The following IL19 variants were observed in gnomAD, a reference collection of about 807,000 sequenced individuals.
IL19 encodes the protein interleukin-19.
A neutral mutation model predicts 19.5 loss-of-function variants in IL19; 15 were observed. That is an observed-to-expected ratio of 0.77 (90% CI 0.52 to 1.19). IL19 has a LOEUF of 1.19. Ranked by LOEUF, IL19 falls within the 50% of genes most tolerant of loss-of-function variation. The probability of loss-of-function intolerance (pLI) is 0.00; values close to 1 mark genes in which losing one functional copy is unlikely to be tolerated. For synonymous variants in IL19, 78 were observed against 78.3 expected (o/e 1.00, Z 0.02); for missense variants, 199 against 213.1 (o/e 0.93, Z 0.41).
chr1:206,835,940 T>C (rs1431556066), intron 2 of IL19, among the ~76,000 whole-genome samples: 1 of 152,234 alleles, frequency 6.6e-6, no homozygotes, highest in Non-Finnish European at 1.5e-5. Context: ...GGCAAACCTC[T>C]CAGGGTCTGG....
Position 206,804,439 on chromosome 1 carries a change from C to G in IL19, c.-3+5433C>G, listed in dbSNP as rs977569489. Among the ~76,000 whole-genome samples the G allele has an allele frequency of 6.6e-5, 10 of 152,226 alleles. No individual in the cohort carries two copies. The South Asian group carries it at 2.1e-3, about 32-fold the overall frequency. ...CATTTGATTCCCTATATGACAATAA[C>G]CCCCAGGTTGAGTGCACTGAAATAA... is the stretch of plus-strand genomic sequence containing the variant. On this transcript the variant is annotated intron_variant, in intron 2 of 6. Transcript: ENST00000659997.
At chr1:206,776,343 C>A (rs1048367409) in intron 1 of IL19, among the ~76,000 whole-genome samples, 2 of 152,084 alleles carry the variant, frequency 1.3e-5, no homozygotes, top group African/African-American at 4.8e-5. Flanking sequence ...ACCCAGGAGA[C>A]CCTAATAATC....
intron 1 of IL19, among the ~76,000 whole-genome samples, chr1:206,771,632 A>G (rs1426518925): frequency 6.6e-6 from 1 of 152,232 alleles, no homozygotes; most frequent in African/African-American, 2.4e-5. Context: ...TATTTAAAAA[A>G]TCTGGCCGAT....
chr1:206,835,719 C>T (rs368365992), intron 2 of IL19, among the ~76,000 whole-genome samples: 54 of 152,246 alleles, frequency 3.5e-4, no homozygotes, highest in African/African-American at 1.3e-3. Context: ...GGGCTGCTCT[C>T]GTCACATGTG....
chr1:206,789,197 T>C (rs2102453253), intron 1 of IL19, among the ~76,000 whole-genome samples: 1 of 152,362 alleles, frequency 6.6e-6, no homozygotes, highest in Middle Eastern at 3.4e-3. Context: ...TCTGGGCTTA[T>C]AGTACAGTAC....
At chr1:206,806,995 C>T (rs1167744992) in intron 2 of IL19, among the ~76,000 whole-genome samples, 1 of 152,154 alleles carries the variant, frequency 6.6e-6, no homozygotes, top group African/African-American at 2.4e-5. Context: ...GTTTAATGGA[C>T]TCACAGTCCT....
intron 2 of IL19, chr1:206,834,358 T>G: frequency 1.0e-6 from 1 of 985,570 alleles, no homozygotes. Flanking sequence ...CAGAGAGCAC[T>G]GAGAGGAGAC....
Position 206,771,083 on chromosome 1 carries a change from G to A in IL19, c.-149+5G>A, listed in dbSNP as rs1279597789. ...CCCTAAGGGCAGGAGCCAAAGGTGA[G>A]TGAGAGATTGGCGGAGGTGGCTGGG... On this transcript the variant is annotated splice_donor_5th_base_variant and intron_variant, in intron 1 of 6. Coordinates refer to ENST00000659997, the MANE Select transcript of IL19 (RefSeq NM_153758.5). 4.1e-5 allele frequency: 66 copies of A among 1,613,656 alleles called. No homozygotes were observed. The highest frequency in any genetic ancestry group is 5.2e-5 in the Non-Finnish European group (61 of 1,179,768).
chr1:206,787,731 C>T (rs139520392), intron 1 of IL19, among the ~76,000 whole-genome samples: 16 of 152,290 alleles, frequency 1.1e-4, no homozygotes, highest in East Asian at 7.7e-4. Context: ...CATAAAATAG[C>T]TAAATACATG....
At position 206,772,409 on chromosome 1, in the gene IL19, G is replaced by A; in HGVS notation, c.-149+1331G>A. The stretch of plus-strand genomic sequence containing the variant: ...CCCTCACCCCAGTCAGGAGGACCAG[G>A]CAACAGAGCAGTGCTGAGCTGTGCA... On this transcript the variant is annotated intron_variant, in intron 1 of 6. Transcript: ENST00000659997. 1 of 1,614,202 alleles carries A rather than the reference G, an allele frequency of 6.2e-7. No individual in the cohort carries two copies.
chr1:206,791,523 G>A (rs986847939), intron 1 of IL19, among the ~76,000 whole-genome samples: 84 of 152,086 alleles, frequency 5.5e-4, no homozygotes, highest in African/African-American at 2.0e-3. Flanking sequence ...GGCTGGTCTC[G>A]AACTCCTGGC....
At chr1:206,833,158 A>G (rs946771358) in intron 2 of IL19, among the ~76,000 whole-genome samples, 1 of 152,258 alleles carries the variant, frequency 6.6e-6, no homozygotes, top group Non-Finnish European at 1.5e-5. Flanking sequence ...TTGCAATTCT[A>G]GAATCAGGCA....
At chr1:206,780,635 T>C (rs1018388675) in intron 1 of IL19, among the ~76,000 whole-genome samples, 2 of 152,224 alleles carry the variant, frequency 1.3e-5, no homozygotes, top group Non-Finnish European at 2.9e-5. Context: ...GGGGGTCTTA[T>C]CAAATTCACG....
intron 2 of IL19, among the ~76,000 whole-genome samples, chr1:206,817,701 A>G (rs1393821511): frequency 6.6e-6 from 1 of 152,222 alleles, no homozygotes; most frequent in Non-Finnish European, 1.5e-5. Context: ...TTTAAAGTAG[A>G]TAAAACTTCA....
At chr1:206,838,734 C>T (rs1385588094) in intron 4 of IL19, among the ~76,000 whole-genome samples, 2 of 139,254 alleles carry the variant, frequency 1.4e-5, no homozygotes, top group Admixed American at 7.5e-5. Context: ...TCCTTCCCTT[C>T]CTTTCCCTTC....
chr1:206,780,729 A>T (rs1411633287), intron 1 of IL19, among the ~76,000 whole-genome samples: 1 of 152,236 alleles, frequency 6.6e-6, no homozygotes, highest in Non-Finnish European at 1.5e-5. Flanking sequence ...CAAAGGTAGA[A>T]TCTGAATGCA....
At chr1:206,802,911 G>A (rs984899225) in intron 2 of IL19, among the ~76,000 whole-genome samples, 1 of 152,220 alleles carries the variant, frequency 6.6e-6, no homozygotes, top group African/African-American at 2.4e-5. Flanking sequence ...CAAGGGGAAT[G>A]TCAAAGAAAT....
chr1:206,801,203 A>G (rs1444239767), intron 2 of IL19, among the ~76,000 whole-genome samples: 5 of 150,850 alleles, frequency 3.3e-5, no homozygotes, highest in African/African-American at 1.2e-4. Context: ...GTCTGCCTCC[A>G]GACCCCTGTG....
At chr1:206,809,996 T>A (rs576526080) in intron 2 of IL19, among the ~76,000 whole-genome samples, 2 of 152,292 alleles carry the variant, frequency 1.3e-5, no homozygotes, top group South Asian at 4.1e-4. Context: ...TCAAGACCCA[T>A]CCCAACCTCT....
Sources: gnomAD v4.1 joint callset for allele counts (sites outside exome capture counted in the v4.1 genomes callset) on GRCh38, gnomAD v4.1.1 for gene constraint, MANE v1.5 for transcripts, NCBI Gene and HGNC (gene_info 2026-07-23, HGNC 2026-07-21) for gene names.